CCDC33: variants seen among roughly 807,000 people sequenced by gnomAD.
CCDC33 encodes coiled-coil domain containing 33.
CCDC33 carries 94 observed loss-of-function variants against 91.9 expected under a neutral mutation model. The ratio of observed to expected loss-of-function variants is 1.02; its 90% CI spans 0.87 to 1.21. CCDC33 has a LOEUF of 1.21. Ranked by LOEUF, CCDC33 falls within the 50% of genes most tolerant of loss-of-function variation. The probability of loss-of-function intolerance (pLI) is 0.00; values close to 1 mark genes in which losing one functional copy is unlikely to be tolerated. For missense variants in CCDC33, 940 were observed against 935.5 expected, an observed-to-expected ratio of 1.00 and a Z score of -0.06; for synonymous variants, 396 against 374.5, an observed-to-expected ratio of 1.06 and a Z score of -0.66.
chr15:74,271,330 C>T (rs1201528697), intron 5 of CCDC33, among the ~76,000 whole-genome samples: 5 of 152,162 alleles, frequency 3.3e-5, no homozygotes, highest in Admixed American at 2.6e-4. Flanking sequence ...ACACCTAGCC[C>T]TACCCCTAGC....
intron 1 of CCDC33, among the ~76,000 whole-genome samples, chr15:74,240,118 G>A (rs998913415): frequency 1.3e-5 from 2 of 152,226 alleles, no homozygotes; most frequent in Non-Finnish European, 2.9e-5. Context: ...GCGGGCACAT[G>A]CCTGCAAGCC....
chr15:74,203,205 A>G (rs1473884617), intron 1 of CCDC33: 7 of 972,968 alleles, frequency 7.2e-6, no homozygotes, highest in African/African-American at 1.8e-5. Flanking sequence ...TCTCATTGGT[A>G]AACCCTTTTT....
At chr15:74,317,822 A>G (rs1035140849) in intron 11 of CCDC33, among the ~76,000 whole-genome samples, 14 of 148,100 alleles carry the variant, frequency 9.5e-5, no homozygotes, top group Admixed American at 2.7e-4. Flanking sequence ...GAAGCCAGTT[A>G]TATCAGACAT....
chr15:74,306,754 G>A (rs1378717068), intron 11 of CCDC33, among the ~76,000 whole-genome samples: 3 of 152,218 alleles, frequency 2.0e-5, no homozygotes, highest in Admixed American at 2.0e-4. Flanking sequence ...GTCAGGGCCT[G>A]CCCTAAGTAC....
rs866817747 is a variant in CCDC33, at chr15:74,218,657, C to G, written c.471C>G (p.His157Gln). 1.6e-6 allele frequency: 2 copies of G among 1,289,866 alleles called. No individual in the cohort carries two copies. Among genetic ancestry groups the G allele is most frequent in the South Asian group, 1.2e-5 (1 of 81,030 alleles). 79.9% of individuals were successfully genotyped at this position (1,289,866 alleles called of 1,614,324 possible). ...GCATGAACCCAAAGGCTCAGGATCA[C>G]GAGGACCTGTACCGCTACTGTGGCA... is the stretch of plus-strand genomic sequence containing the variant. Residue 157 changes from histidine to glutamine, a missense_variant, in exon 2 of 3, where the codon CAC (histidine) becomes CAG (glutamine). Coordinates refer to the CCDC33 transcript ENST00000635913. This position sits in a 1 kb window ranked among gnomAD's most constrained non-coding sequence, Gnocchi z 4.8.
chr15:74,215,633 G>A (rs1474159497), upstream of CCDC33, among the ~76,000 whole-genome samples: 4 of 152,116 alleles, frequency 2.6e-5, no homozygotes, highest in African/African-American at 9.7e-5. Flanking sequence ...AATAGGAGTG[G>A]GTGTGGACAT....
At chr15:74,318,670 C>T (rs1480956827) in intron 11 of CCDC33, 3 of 764,602 alleles carry the variant, frequency 3.9e-6, no homozygotes, top group African/African-American at 1.7e-5. Flanking sequence ...TAAGTCGCCC[C>T]CTCGCCCACT....
At chr15:74,233,784 A>G (rs1244739468), upstream of CCDC33, among the ~76,000 whole-genome samples, 3 of 152,206 alleles carry the variant, frequency 2.0e-5, no homozygotes, top group African/African-American at 7.2e-5. Context: ...CTGAATAAGG[A>G]TGGGAACCAA....
intron 18 of CCDC33, chr15:74,335,395 CTG>C (rs2060544966): frequency 1.7e-6 from 1 of 586,874 alleles, no homozygotes; most frequent in African/African-American, 1.9e-5. Flanking sequence ...TGCCCTGACA[CTG>C]TGCTTTAGGA....
At chr15:74,252,648 G>A (rs1566970993) in intron 2 of CCDC33, among the ~76,000 whole-genome samples, 1 of 152,222 alleles carries the variant, frequency 6.6e-6, no homozygotes, top group Non-Finnish European at 1.5e-5. Context: ...AGCAGATGAA[G>A]ATGACTATTC....
At chr15:74,266,611 C>A in intron 3 of CCDC33, 67 bp from the exon 4 acceptor site, 2 of 1,117,238 alleles carry the variant, frequency 1.8e-6, no homozygotes, top group South Asian at 1.3e-5. Context: ...CTCTCACTGT[C>A]TCTCCTTACT....
chr15:74,331,168 C>T, intron 14 of CCDC33, 35 bp from the exon 15 acceptor site: 1 of 1,613,968 alleles, frequency 6.2e-7, no homozygotes, highest in Non-Finnish European at 8.5e-7. Context: ...AGTAGGGAGC[C>T]CCTGGGCCAG....
At chr15:74,253,619 G>A (rs2075775447) in intron 2 of CCDC33, among the ~76,000 whole-genome samples, 1 of 152,164 alleles carries the variant, frequency 6.6e-6, no homozygotes, top group Admixed American at 6.6e-5. Flanking sequence ...TGAGCTCAGA[G>A]ATGCTTAGGG....
chr15:74,209,929 A>G (rs1357888767), intron 2 of CCDC33, among the ~76,000 whole-genome samples: 1 of 152,220 alleles, frequency 6.6e-6, no homozygotes, highest in Non-Finnish European at 1.5e-5. Context: ...AGGGAGTGCC[A>G]TCTATAAAAA....
At chr15:74,272,611 GC>G (rs1287850600) in intron 6 of CCDC33, among the ~76,000 whole-genome samples, 159 bp from the exon 7 acceptor site, 1 of 152,216 alleles carries the variant, frequency 6.6e-6, no homozygotes, top group African/African-American at 2.4e-5. Context: ...TGCACGCCCA[GC>G]CCAGTGGTCC....
intron 15 of CCDC33, among the ~76,000 whole-genome samples, 160 bp from the exon 16 acceptor site, chr15:74,332,519 A>G (rs1347133376): frequency 1.3e-5 from 2 of 152,240 alleles, no homozygotes; most frequent in African/African-American, 4.8e-5. Flanking sequence ...CTAGAAGGAC[A>G]GCCTGTGTGC....
chr15:74,261,248 G>A (rs1441646746), intron 2 of CCDC33, among the ~76,000 whole-genome samples: 1 of 152,218 alleles, frequency 6.6e-6, no homozygotes, highest in South Asian at 2.1e-4. Flanking sequence ...TTACCCACAG[G>A]AGCAGGGCTG....
At chr15:74,271,265 C>T (rs1278615214) in intron 5 of CCDC33, among the ~76,000 whole-genome samples, 1 of 152,128 alleles carries the variant, frequency 6.6e-6, no homozygotes, top group African/African-American at 2.4e-5. Flanking sequence ...TAATCAGAGA[C>T]CCCTCACAGC....
intron 1 of CCDC33, among the ~76,000 whole-genome samples, chr15:74,240,177 A>G (rs75051284): frequency 1.6e-3 from 251 of 152,338 alleles, no homozygotes; most frequent in African/African-American, 5.9e-3. Context: ...CAGAACTGAA[A>G]CACAATAGTT....
Sources: allele counts gnomAD v4.1 joint callset (sites outside exome capture counted in the v4.1 genomes callset), GRCh38; gene constraint gnomAD v4.1.1; non-coding constraint Gnocchi (gnomAD v3.1); transcripts MANE v1.5; gene names NCBI Gene and HGNC (gene_info 2026-07-23, HGNC 2026-07-21).